Variants in GPR158 observed in about 807,000 individuals in gnomAD.
GPR158 encodes G protein-coupled receptor 158, also known as metabotropic glycine receptor.
In GPR158, 30 loss-of-function variants were observed where a neutral mutation model predicts 78.2. That is an observed-to-expected ratio of 0.38 (90% confidence interval 0.29 to 0.52). The LOEUF is 0.52. Ranked by LOEUF, GPR158 falls within the 20% of genes least tolerant of loss-of-function variation. GPR158 has a pLI of 0.83. For missense variants in GPR158, 1,463 were observed against 1,523.5 expected (o/e 0.96, Z 0.66); for synonymous variants, 581 against 591.1 (o/e 0.98, Z 0.25).
At chr10:25,511,645 A>G (rs1385019159) in intron 5 of GPR158, among the ~76,000 whole-genome samples, 2 of 151,988 alleles carry the variant, frequency 1.3e-5, no homozygotes, top group Non-Finnish European at 2.9e-5. Flanking sequence ...TTCCAGTGTT[A>G]TATTCTAGAA....
chr10:25,384,031 G>A (rs1834189749), intron 2 of GPR158, among the ~76,000 whole-genome samples: 1 of 152,150 alleles, frequency 6.6e-6, no homozygotes, highest in Non-Finnish European at 1.5e-5. Flanking sequence ...GTGCAGCAGT[G>A]CCTGGTATGT....
intron 2 of GPR158, among the ~76,000 whole-genome samples, chr10:25,336,123 G>A (rs1371633287): frequency 6.6e-6 from 1 of 152,024 alleles, no homozygotes; most frequent in Non-Finnish European, 1.5e-5. Context: ...AGCTGTATGT[G>A]TATTTAGTTA....
At chr10:25,426,813 G>T (rs923083249) in intron 4 of GPR158, among the ~76,000 whole-genome samples, 3 of 151,978 alleles carry the variant, frequency 2.0e-5, no homozygotes, top group African/African-American at 7.2e-5. Context: ...GTCAGTGAGA[G>T]ATTTGCTTGA....
At chr10:25,311,413 A>G (rs1303688460) in intron 2 of GPR158, among the ~76,000 whole-genome samples, 1 of 151,668 alleles carries the variant, frequency 6.6e-6, no homozygotes, top group Non-Finnish European at 1.5e-5. Flanking sequence ...GAAATATTCT[A>G]TTTTCTATTT....
At chr10:25,324,031 G>T (rs1354957899) in intron 2 of GPR158, among the ~76,000 whole-genome samples, 1 of 152,220 alleles carries the variant, frequency 6.6e-6, no homozygotes, top group Non-Finnish European at 1.5e-5. Context: ...TTAGGTTACA[G>T]ATCAAGGGAA....
chr10:25,209,878 C>T (rs7895824), intron 1 of GPR158, among the ~76,000 whole-genome samples: 5 of 152,144 alleles, frequency 3.3e-5, no homozygotes, highest in African/African-American at 9.7e-5. Flanking sequence ...TTTTCTCTGT[C>T]GTTAAAGCCC....
At chr10:25,365,642 A>G (rs1449523525) in intron 2 of GPR158, among the ~76,000 whole-genome samples, 1 of 151,734 alleles carries the variant, frequency 6.6e-6, no homozygotes, top group Non-Finnish European at 1.5e-5. Context: ...TTCTGATTCT[A>G]TCAAATAAGT....
Position 25,176,715 on chromosome 10 carries a change from G to A in GPR158, c.902+393G>A, listed in dbSNP as rs1207983254. ...CGAGCGCCGGGTGTGTCCGCGGAGT[G>A]GCAAGCCTCAGATGAGAGGCGAAAA... On this transcript the variant is annotated intron_variant, in intron 1 of 10. Coordinates refer to ENST00000376351, the MANE Select transcript of GPR158 (RefSeq NM_020752.3). The surrounding 1 kb of genome is among the most constrained non-coding windows in gnomAD (Gnocchi z 6.3). Among the ~76,000 whole-genome samples the A allele has an allele frequency of 6.6e-6, 1 of 152,234 alleles. No homozygotes were observed. The highest frequency in any genetic ancestry group is 1.5e-5 in the Non-Finnish European group (1 of 68,042).
Position 25,500,315 on chromosome 10 carries a change from T to G in GPR158, c.1404+33596T>G, listed in dbSNP as rs997010927. ...CCTGGATTTTATACAAAAGAATTCA[T>G]GTACTGCAGATAAATATGGAAAAAG... On this transcript the variant is annotated intron_variant, in intron 5 of 10. Coordinates refer to ENST00000376351, the MANE Select transcript of GPR158 (RefSeq NM_020752.3). Among the ~76,000 whole-genome samples, 275 of 152,364 alleles carry G rather than the reference T, an allele frequency of 1.8e-3. 2 individuals are homozygous for G. The highest frequency in any genetic ancestry group is 6.4e-3 in the African/African-American group (265 of 41,598).
chr10:25,253,616 A>G (rs1853846540), intron 2 of GPR158, among the ~76,000 whole-genome samples: 2 of 152,180 alleles, frequency 1.3e-5, no homozygotes, highest in African/African-American at 2.4e-5. Context: ...TGTGTAGAAG[A>G]TATTGGTAAG....
chr10:25,477,956 T>C (rs1339904770), intron 5 of GPR158, among the ~76,000 whole-genome samples: 1 of 152,148 alleles, frequency 6.6e-6, no homozygotes, highest in Non-Finnish European at 1.5e-5. Flanking sequence ...GAAATAGCCA[T>C]AGATGCCCAG....
At chr10:25,468,724 C>T (rs1447599581) in intron 5 of GPR158, among the ~76,000 whole-genome samples, 4 of 152,226 alleles carry the variant, frequency 2.6e-5, no homozygotes, top group African/African-American at 4.8e-5. Context: ...AAGATAAGTA[C>T]TGACTTTACA....
chr10:25,307,377 CTTTTTTTTTT>C (rs561085223), intron 2 of GPR158, among the ~76,000 whole-genome samples: 13 of 114,392 alleles, frequency 1.1e-4, no homozygotes, highest in Admixed American at 2.0e-4. Context: ...ATTTTAATTG[CTTTTTTTTTT>C]TTTTTTTTTT....
At chr10:25,532,248 TGCAAGACTATCTGTTA>T (rs1836433778) in intron 5 of GPR158, among the ~76,000 whole-genome samples, 1 of 152,146 alleles carries the variant, frequency 6.6e-6, no homozygotes, top group African/African-American at 2.4e-5. Flanking sequence ...GAATGGTCTA[TGCAAGACTATCTGTTA>T]AACGGATGAG....
At chr10:25,418,248 T>G (rs1275657636) in intron 4 of GPR158, among the ~76,000 whole-genome samples, 3 of 152,182 alleles carry the variant, frequency 2.0e-5, no homozygotes, top group Non-Finnish European at 2.9e-5. Flanking sequence ...TGAAAGAGAT[T>G]TGTCCAGGCC....
At chr10:25,586,430 G>C (rs1206504083) in intron 7 of GPR158, among the ~76,000 whole-genome samples, 1 of 122,638 alleles carries the variant, frequency 8.2e-6, no homozygotes, top group Non-Finnish European at 1.6e-5. Context: ...TTGAGGCAGA[G>C]TCTCACTCTG....
At chr10:25,325,724 C>T (rs1855020487) in intron 2 of GPR158, among the ~76,000 whole-genome samples, 1 of 152,078 alleles carries the variant, frequency 6.6e-6, no homozygotes, top group Non-Finnish European at 1.5e-5. Context: ...TTTACATTCC[C>T]ACCAACAGTG....
chr10:25,289,980 C>T (rs965095126), intron 2 of GPR158, among the ~76,000 whole-genome samples: 2 of 152,170 alleles, frequency 1.3e-5, no homozygotes, highest in Non-Finnish European at 2.9e-5. Context: ...TCTTCATTAT[C>T]ATGAGCCATG....
intron 2 of GPR158, among the ~76,000 whole-genome samples, chr10:25,285,350 G>C (rs532665839): frequency 1.3e-5 from 2 of 152,174 alleles, no homozygotes; most frequent in Non-Finnish European, 2.9e-5. Context: ...GAGATTTAGT[G>C]GGGGGATTGG....
Sources: gnomAD v4.1 joint callset for allele counts (sites outside exome capture counted in the v4.1 genomes callset) on GRCh38, gnomAD v4.1.1 for gene constraint, Gnocchi (gnomAD v3.1) non-coding constraint, MANE v1.5 for transcripts, NCBI Gene and HGNC (gene_info 2026-07-23, HGNC 2026-07-21) for gene names.